MYH9: variants seen among roughly 807,000 people sequenced by gnomAD.
MYH9 encodes myosin-9.
A neutral mutation model predicts 241.9 loss-of-function variants in MYH9; 29 were observed. The ratio of observed to expected loss-of-function variants is 0.12; its 90% CI spans 0.09 to 0.16. The LOEUF (loss-of-function observed/expected upper bound fraction) is 0.16, where lower values mean the gene tolerates loss of function less well. Among genes scored for constraint, MYH9 ranks in the 10% least tolerant of loss-of-function variants. The pLI is 1.00. For missense variants in MYH9, 1,803 were observed against 2,595.5 expected (o/e 0.69, Z 6.63); for synonymous variants, 1,047 against 1,062.6 (o/e 0.99, Z 0.29).
rs144894340 is a variant in MYH9 at position 36,359,546 on chromosome 22, G to A, written c.-19-10291C>T. ...ACAAAAAGGGAAAGAATGCATACTGGGGCTTTCAATCTACAAAGAGAAATA... is the reference window on the plus strand; with the variant it reads ...ACAAAAAGGGAAAGAATGCATACTGAGGCTTTCAATCTACAAAGAGAAATA... On this transcript the variant is annotated intron_variant, in intron 1 of 40. Transcript: ENST00000216181. Among the ~76,000 whole-genome samples, 164 of 152,264 alleles carry A rather than the reference G, an allele frequency of 1.1e-3. 1 individual carries two copies. Among genetic ancestry groups the A allele is most frequent in the African/African-American group, 3.7e-3 (154 of 41,536 alleles).
chr22:36,295,788 C>A lies in MYH9; in HGVS notation c.3273-71G>T. The A allele has an allele frequency of 1.4e-6, 2 of 1,425,866 alleles. No individual in the cohort carries two copies. Among genetic ancestry groups the A allele is most frequent in the African/African-American group, 1.4e-5 (1 of 71,144 alleles). The allele number at this position is 1,425,866 out of a possible 1,614,324, so 88.3% of individuals were successfully genotyped here. On this transcript the variant is annotated intron_variant, in intron 25 of 40. Coordinates refer to ENST00000216181, the MANE Select transcript of MYH9 (RefSeq NM_002473.6). This position sits in a 1 kb window ranked among gnomAD's most constrained non-coding sequence, Gnocchi z 4.1. ...CAAGGAGCAGAGTTTGCAGGACAGG[C>A]CTGAGAGAGCTGCAGCAGCCAAAGC...
At chr22:36,297,348 T>C (rs563371116) in intron 24 of MYH9, 1 of 308,746 alleles carries the variant, frequency 3.2e-6, no homozygotes, top group East Asian at 7.8e-5. Context: ...TGTGTGAATC[T>C]GAACTTATAT....
At position 36,316,681 on chromosome 22, in the gene MYH9, A is replaced by C; in HGVS notation, c.1228-12T>G. 6.2e-7 allele frequency: 1 copy of C among 1,613,476 alleles called. No individual in the cohort carries two copies. Among genetic ancestry groups the C allele is most frequent in the Non-Finnish European group, 8.5e-7 (1 of 1,180,020 alleles). ...ATGGCAAAGTCAGCCTGCGGGGCAC[A>C]CCCGGGGAGCGTGGTGTCAGATACA... On this transcript the variant is annotated splice_polypyrimidine_tract_variant and intron_variant, in intron 11 of 40. Coordinates refer to ENST00000216181, the MANE Select transcript of MYH9 (RefSeq NM_002473.6).
chr22:36,284,821 G>A (rs761118883), intron 38 of MYH9, among the ~76,000 whole-genome samples: 3 of 152,184 alleles, frequency 2.0e-5, no homozygotes, highest in Non-Finnish European at 1.5e-5. Context: ...GTCCTGCTGA[G>A]CCCATAGGAC....
At position 36,303,982 on chromosome 22, in the gene MYH9, T is replaced by C; in HGVS notation, c.2390+13A>G. On this transcript the variant is annotated intron_variant, in intron 19 of 40. Transcript: ENST00000216181. ...GCCTGGCATGCGGGGCAGGAGTATC[T>C]CCCGGGACTCACTTCCTGGCCAGGT... is the stretch of plus-strand genomic sequence containing the variant. 1 of 1,613,068 alleles carries C rather than the reference T, an allele frequency of 6.2e-7. No individual in the cohort carries two copies. Among genetic ancestry groups the C allele is most frequent in the Non-Finnish European group, 8.5e-7 (1 of 1,179,902 alleles).
rs117815296 is a variant in MYH9 at position 36,376,589 on chromosome 22, G to A, written c.-20+11218C>T. Among the ~76,000 whole-genome samples the A allele has an allele frequency of 2.6e-5, 4 of 152,194 alleles. No individual in the cohort carries two copies. In the East Asian group the frequency reaches 7.7e-4, roughly 29 times the overall value. ...TCTCTGCGGACTGACTTGGCAAAGGGCAACTCCCTTATACCCAATACTTGG... is the reference window on the plus strand; with the variant it reads ...TCTCTGCGGACTGACTTGGCAAAGGACAACTCCCTTATACCCAATACTTGG... On this transcript the variant is annotated intron_variant, in intron 1 of 40. Transcript: ENST00000216181.
intron 25 of MYH9, among the ~76,000 whole-genome samples, chr22:36,296,211 T>C (rs1242073299): frequency 6.6e-6 from 1 of 152,098 alleles, no homozygotes; most frequent in Non-Finnish European, 1.5e-5. Flanking sequence ...CTTCTGTGAA[T>C]CTAAAACTAC....
At chr22:36,316,449 T>C in intron 12 of MYH9, 68 bp downstream of exon 12, 6 of 1,611,368 alleles carry the variant, frequency 3.7e-6, no homozygotes, top group Non-Finnish European at 5.1e-6. Context: ...AGCAGGGTTC[T>C]TAACCAAGGA....
intron 34 of MYH9, among the ~76,000 whole-genome samples, chr22:36,287,585 T>C (rs2016608003): frequency 6.6e-6 from 1 of 151,958 alleles, no homozygotes; most frequent in African/African-American, 2.4e-5. Context: ...CTACTAAAAA[T>C]ACAAAAATTA....
At chr22:36,375,242 C>T (rs916443219) in intron 1 of MYH9, among the ~76,000 whole-genome samples, 1 of 152,206 alleles carries the variant, frequency 6.6e-6, no homozygotes, top group Non-Finnish European at 1.5e-5. Context: ...GGCAGGTTGC[C>T]TGGCTAGCTG....
chr22:36,297,312 G>A (rs1470210274), intron 24 of MYH9: 1 of 415,300 alleles, frequency 2.4e-6, no homozygotes, highest in Non-Finnish European at 4.4e-6. Context: ...TACCATGTCT[G>A]TATCTCTAAA....
chr22:36,360,991 C>A (rs1947918007), intron 1 of MYH9, among the ~76,000 whole-genome samples: 1 of 152,202 alleles, frequency 6.6e-6, no homozygotes, highest in African/African-American at 2.4e-5. Context: ...CACACCAGGG[C>A]TGTCAGAGCA....
intron 1 of MYH9, among the ~76,000 whole-genome samples, chr22:36,358,784 T>C (rs2017894401): frequency 6.6e-6 from 1 of 152,260 alleles, no homozygotes; most frequent in African/African-American, 2.4e-5. Flanking sequence ...AACTCCTTTC[T>C]GATGACTCAC....
intron 3 of MYH9, among the ~76,000 whole-genome samples, chr22:36,340,649 C>T (rs541355614): frequency 2.1e-5 from 3 of 145,854 alleles, no homozygotes; most frequent in South Asian, 2.2e-4. Context: ...GGTGACAGAA[C>T]GAGATTCCGT....
intron 25 of MYH9, among the ~76,000 whole-genome samples, chr22:36,296,413 T>C (rs2016788379): frequency 6.6e-6 from 1 of 152,202 alleles, no homozygotes; most frequent in Admixed American, 6.5e-5. Flanking sequence ...TTTTATATTT[T>C]TGGTAGGGAT....
intron 3 of MYH9, chr22:36,328,782 C>T (rs920272228): frequency 3.9e-5 from 6 of 152,244 alleles, no homozygotes; most frequent in Admixed American, 2.0e-4. Flanking sequence ...GATTCAGCGA[C>T]GTGTGAAGGA....
At chr22:36,319,914 C>A in intron 9 of MYH9, 1 of 609,896 alleles carries the variant, frequency 1.6e-6, no homozygotes. Context: ...CAGCTTCTTC[C>A]ACACTCCCCG....
intron 19 of MYH9, among the ~76,000 whole-genome samples, chr22:36,303,346 G>C (rs1165074060): frequency 6.6e-6 from 1 of 151,860 alleles, no homozygotes; most frequent in Non-Finnish European, 1.5e-5. Context: ...TGGAATCACA[G>C]GGTTCTTTAG....
rs978517978 is a variant in MYH9, at chr22:36,345,083, C to T, written c.334-3557G>A. On this transcript the variant is annotated intron_variant, in intron 2 of 40. Transcript: ENST00000216181. ...ATCCCAGCACTTTGGGAGGCCGAGG[C>T]GGGAGGATCACAAGGTCAGGAGATC... Among the ~76,000 whole-genome samples the T allele has an allele frequency of 3.0e-4, 46 of 152,094 alleles. No individual in the cohort carries two copies. In the East Asian group the frequency reaches 6.6e-3, roughly 22 times the overall value.
Sources: gnomAD v4.1 joint callset for allele counts (sites outside exome capture counted in the v4.1 genomes callset) on GRCh38, gnomAD v4.1.1 for gene constraint, Gnocchi (gnomAD v3.1) non-coding constraint, MANE v1.5 for transcripts, NCBI Gene and HGNC (gene_info 2026-07-23, HGNC 2026-07-21) for gene names.